Variants in EPX observed in about 807,000 individuals in gnomAD.
EPX encodes eosinophil peroxidase.
In EPX, 60 loss-of-function variants were observed where a neutral mutation model predicts 73.0. The observed-to-expected ratio is 0.82, with a 90% CI of 0.67 to 1.02. EPX has a LOEUF of 1.02. Ranked by LOEUF, EPX falls within the 50% of genes least tolerant of loss-of-function variation. The pLI is 0.00. For missense variants in EPX, 950 were observed against 973.9 expected, an observed-to-expected ratio of 0.98 and a Z score of 0.33; for synonymous variants, 347 against 389.2, an observed-to-expected ratio of 0.89 and a Z score of 1.28.
intron 10 of EPX, among the ~76,000 whole-genome samples, chr17:58,200,680 G>A (rs1968328533): frequency 6.6e-6 from 1 of 152,146 alleles, no homozygotes; most frequent in Admixed American, 6.5e-5. Flanking sequence ...TTTCCAAGTA[G>A]AAAAAAAGCA....
At chr17:58,194,175 G>A in intron 5 of EPX, 83 bp downstream of exon 5, 2 of 1,437,248 alleles carry the variant, frequency 1.4e-6, no homozygotes, top group South Asian at 1.2e-5. Context: ...ACGCAGGCAG[G>A]GCTTGAACCC....
Position 58,203,209 on chromosome 17 carries a change from G to A in EPX, c.1837G>A (p.Asp613Asn). Residue 613 changes from aspartate to asparagine, a missense_variant, in exon 11 of 13, where the codon GAC becomes AAC. Asp to Asn is a conservative substitution (Grantham distance 23). Transcript: ENST00000225371. The part of the protein sequence containing the change: ...LNLYGTPDNI[D>N]IWIGAIAEPL... ...TTTGTATGGAACACCTGACAACATT[G>A]ACATCTGGATTGGGGCCATCGCTGA... The A allele has an allele frequency of 6.2e-7, 1 of 1,614,188 alleles. No individual in the cohort carries two copies.
In EPX at chr17:58,200,265, T is replaced by A; in HGVS notation, c.1578T>A (p.Pro526=). Residue 526 remains proline, a synonymous_variant, in exon 10 of 13, where the codon CCT becomes CCA. Coordinates refer to ENST00000225371, the MANE Select transcript of EPX (RefSeq NM_000502.6). ...DPILRGLMAT[P]AKLNRQDAML... ...TCCTCCGGGGCCTCATGGCCACCCCTGCCAAGCTGAACCGTCAGGATGCCA... is the reference window on the plus strand; with the variant it reads ...TCCTCCGGGGCCTCATGGCCACCCCAGCCAAGCTGAACCGTCAGGATGCCA... The A allele has an allele frequency of 6.2e-7, 1 of 1,614,202 alleles. No homozygotes were observed. The highest frequency in any genetic ancestry group is 8.5e-7 in the Non-Finnish European group (1 of 1,180,018).
Position 58,205,095 on chromosome 17 carries a change from C to G in EPX, c.*371C>G, listed in dbSNP as rs1047441433. 1 of 165,640 alleles carries G rather than the reference C, an allele frequency of 6.0e-6. No individual in the cohort carries two copies. The highest frequency in any genetic ancestry group is 5.6e-5 in the Admixed American group (1 of 17,920). 10.3% of individuals were successfully genotyped at this position (165,640 alleles called of 1,614,324 possible). On this transcript the variant is annotated 3_prime_UTR_variant, in exon 13 of 13. Transcript: ENST00000225371. ...CTAAGAGACCACTCGGTCCTAGCCT[C>G]CAGACACCCCACAATACTCCTCTGA...
chr17:58,198,850 G>A (rs964535439), intron 7 of EPX, among the ~76,000 whole-genome samples, 190 bp from the exon 8 acceptor site: 14 of 152,268 alleles, frequency 9.2e-5, no homozygotes, highest in Non-Finnish European at 1.8e-4. Flanking sequence ...CGGTCCTTCC[G>A]CTCCTGGCCT....
chr17:58,195,873 G>T (rs142355458), intron 6 of EPX, among the ~76,000 whole-genome samples: 1 of 152,106 alleles, frequency 6.6e-6, no homozygotes, highest in Non-Finnish European at 1.5e-5. Flanking sequence ...CACCTCCTCT[G>T]GGGAGCCTTC....
Position 58,200,293 on chromosome 17 carries a change from T to C in EPX, c.1606T>C (p.Leu536=). 6.2e-7 allele frequency: 1 copy of C among 1,614,198 alleles called. No individual in the cohort carries two copies. Among genetic ancestry groups the C allele is most frequent in the Non-Finnish European group, 8.5e-7 (1 of 1,180,030 alleles). The part of the protein sequence containing the change: ...PAKLNRQDAM[L]VDELRDRLFR... ...CAAGCTGAACCGTCAGGATGCCATG[T>C]TAGTGGATGAGCTCCGGGACCGGCT... is the stretch of plus-strand genomic sequence containing the variant. Residue 536 remains leucine (L), a synonymous_variant, in exon 10 of 13, where the codon TTA becomes CTA. Coordinates refer to ENST00000225371, the MANE Select transcript of EPX (RefSeq NM_000502.6).
chr17:58,200,227 G>A lies in EPX; in HGVS notation c.1540G>A (p.Gly514Ser), dbSNP rs1968320440. The A allele has an allele frequency of 1.9e-6, 3 of 1,614,098 alleles. No individual in the cohort carries two copies. The highest frequency in any genetic ancestry group is 8.5e-7 in the Non-Finnish European group (1 of 1,180,022). Residue 514 changes from glycine to serine, a missense_variant and splice_region_variant, in exon 10 of 13, where the codon GGC becomes AGC. Coordinates refer to ENST00000225371, the MANE Select transcript of EPX (RefSeq NM_000502.6). ...CTGCTCACATTCCCTGCCACCAGGGGGCATCGACCCCATCCTCCGGGGCCT... is the reference window on the plus strand; with the variant it reads ...CTGCTCACATTCCCTGCCACCAGGGAGCATCGACCCCATCCTCCGGGGCCT... ...FASWRIVYEG[G>S]IDPILRGLMA...
In EPX at chr17:58,192,751, G is replaced by A. The variant is rs35844881; in HGVS notation, c.-96G>A. On this transcript the variant is annotated 5_prime_UTR_variant, in exon 1 of 13. Transcript: ENST00000225371. ...GAAGAGCTGGAGGAAGTGAGAGGTC[G>A]GCTGGGGGTCCTCAAAGTGAGAGGG... 6.6e-3 allele frequency: 6,958 copies of A among 1,055,192 alleles called. 334 individuals carry two copies. The African/African-American group carries it at 0.096, about 15-fold the overall frequency. The allele number at this position is 1,055,192 out of a possible 1,614,324, so 65.4% of individuals were successfully genotyped here. A position where few individuals can be genotyped will look rare whatever the true frequency, so the allele number is the denominator to read the frequency against.
intron 2 of EPX, 78 bp downstream of exon 2, chr17:58,193,209 C>T (rs1431818320): frequency 1.6e-6 from 2 of 1,230,950 alleles, no homozygotes; most frequent in African/African-American, 1.5e-5. Flanking sequence ...TCATCTCACT[C>T]ATCAGCCACC....
intron 6 of EPX, among the ~76,000 whole-genome samples, chr17:58,196,068 CCTTT>C (rs1323808458): frequency 8.8e-5 from 12 of 136,504 alleles, no homozygotes; most frequent in Non-Finnish European, 1.6e-4. Context: ...TTTCTTCCGT[CCTTT>C]CTTTCTTTAT....
At chr17:58,194,487 A>G (rs1968226511) in intron 5 of EPX, among the ~76,000 whole-genome samples, 1 of 152,194 alleles carries the variant, frequency 6.6e-6, no homozygotes, top group Non-Finnish European at 1.5e-5. Context: ...TTCTATTGAT[A>G]TATCGATAGA....
chr17:58,204,412 C>A lies in EPX; in HGVS notation c.2137C>A (p.Arg713=), dbSNP rs757233476. The A allele has an allele frequency of 2.1e-5, 34 of 1,613,190 alleles. No individual in the cohort carries two copies. Among genetic ancestry groups the A allele is most frequent in the East Asian group, 4.5e-5 (2 of 44,892 alleles). The change falls in exon 12 of 13, where the codon CGA becomes AGA. Residue 713 remains arginine (R), a synonymous_variant. Coordinates refer to ENST00000225371, the MANE Select transcript of EPX (RefSeq NM_000502.6). ...CCCCAGGTTGAACCTATCAGCCTGG[C>A]GAGGGACATGAGGCTTCTGCAGGTA... ...RIPRLNLSAW[R]GT
At chr17:58,194,618 A>C (rs557185522) in intron 5 of EPX, among the ~76,000 whole-genome samples, 141 of 152,248 alleles carry the variant, frequency 9.3e-4, no homozygotes, top group Admixed American at 2.9e-3. Flanking sequence ...CAGCCCATGC[A>C]CCTGTGAATC....
intron 10 of EPX, among the ~76,000 whole-genome samples, chr17:58,200,907 A>G (rs1397358485): frequency 1.3e-5 from 2 of 152,202 alleles, no homozygotes; most frequent in African/African-American, 4.8e-5. Flanking sequence ...AAGAAAATAT[A>G]GGCACTTTGT....
Position 58,193,949 on chromosome 17 carries a change from A to G in EPX, c.465-14A>G, listed in dbSNP as rs1409310724. 1.9e-6 allele frequency: 3 copies of G among 1,612,346 alleles called. No homozygotes were observed. Among genetic ancestry groups the G allele is most frequent in the African/African-American group, 2.7e-5 (2 of 74,922 alleles). On this transcript the variant is annotated splice_polypyrimidine_tract_variant and intron_variant, in intron 4 of 12. Transcript: ENST00000225371. ...GCCCTGCCCCCTGCTAACCTATCCC[A>G]CCCATGGCTGCAGGAGGAGACCCTT... is the stretch of plus-strand genomic sequence containing the variant.
rs1366882893 is a variant in EPX at position 58,203,149 on chromosome 17, C to T, written c.1777C>T (p.Leu593=). Reference sequence around the variant, plus strand: ...GAATTTGGCACAGCTTAGCCGGGTGCTGAAAAACCAGGACTTGGCAAGGAA... The same window carrying T: ...GAATTTGGCACAGCTTAGCCGGGTGTTGAAAAACCAGGACTTGGCAAGGAA... The part of the protein sequence containing the change: ...PRNLAQLSRV[L]KNQDLARKFL... Residue 593 remains leucine (L), a synonymous_variant, in exon 11 of 13, where the codon CTG becomes TTG. Coordinates refer to ENST00000225371, the MANE Select transcript of EPX (RefSeq NM_000502.6). 1 of 1,614,202 alleles carries T rather than the reference C, an allele frequency of 6.2e-7. No homozygotes were observed. Among genetic ancestry groups the T allele is most frequent in the South Asian group, 1.1e-5 (1 of 91,088 alleles).
chr17:58,203,004 C>T (rs904436279), intron 10 of EPX, 77 bp from the exon 11 acceptor site: 2 of 1,090,080 alleles, frequency 1.8e-6, no homozygotes, highest in Non-Finnish European at 1.4e-6. Flanking sequence ...AGCTTCCCCC[C>T]AGAGGACTGG....
chr17:58,200,439 G>C, intron 10 of EPX, 44 bp downstream of exon 10: 1 of 1,590,708 alleles, frequency 6.3e-7, no homozygotes. Context: ...GCTCGGGCCA[G>C]GCTGCTCAAG....
Sources: allele counts gnomAD v4.1 joint callset (sites outside exome capture counted in the v4.1 genomes callset), GRCh38; gene constraint gnomAD v4.1.1; transcripts MANE v1.5; gene names NCBI Gene and HGNC (gene_info 2026-07-23, HGNC 2026-07-21).